The following SPTAN1 variants were observed in gnomAD, a reference collection of about 807,000 sequenced individuals.
SPTAN1 encodes the protein spectrin alpha, non-erythrocytic 1.
A neutral mutation model predicts 331.3 loss-of-function variants in SPTAN1; 61 were observed. The observed-to-expected ratio is 0.18, with a 90% CI of 0.15 to 0.23. The LOEUF (loss-of-function observed/expected upper bound fraction) is 0.23. Ranked by LOEUF, SPTAN1 falls within the 10% of genes least tolerant of loss-of-function variation. SPTAN1 has a pLI of 1.00. For missense variants in SPTAN1, 2,043 were observed against 3,147.9 expected (o/e 0.65, Z 8.40); for synonymous variants, 1,153 against 1,173.9 (o/e 0.98, Z 0.36).
chr9:128,618,259 T>G, intron 43 of SPTAN1, 151 bp downstream of exon 43: 1 of 1,150,940 alleles, frequency 8.7e-7, no homozygotes, highest in Non-Finnish European at 1.3e-6. Flanking sequence ...CAGAGCCACC[T>G]CCTACAGGCC....
At chr9:128,558,843 C>T (rs964126031) in intron 1 of SPTAN1, among the ~76,000 whole-genome samples, 3 of 152,140 alleles carry the variant, frequency 2.0e-5, no homozygotes, top group African/African-American at 7.2e-5. Flanking sequence ...GAGGCTGTAG[C>T]ACCTTTGGAT....
chr9:128,552,823 C>A lies in SPTAN1; in HGVS notation c.-4+127C>A. On this transcript the variant is annotated intron_variant, in intron 1 of 56. Coordinates refer to ENST00000372739, the MANE Select transcript of SPTAN1 (RefSeq NM_001130438.3). This position sits in a 1 kb window ranked among gnomAD's most constrained non-coding sequence, Gnocchi z 4.6. ...GCGGACAGGTGAGCCGGGCGGGCCG[C>A]GGGGCTGCCTCCATTCGGCTGAGTG... 6.6e-6 allele frequency: 1 copy of A among 152,286 alleles called. No homozygotes were observed. Among genetic ancestry groups the A allele is most frequent in the East Asian group, 1.9e-4 (1 of 5,172 alleles). 9.4% of individuals were successfully genotyped at this position (152,286 alleles called of 1,614,324 possible). A position where few individuals can be genotyped will look rare whatever the true frequency, so the allele number is the denominator to read the frequency against.
intron 1 of SPTAN1, among the ~76,000 whole-genome samples, chr9:128,557,711 A>G (rs79811889): frequency 0.015 from 2,321 of 150,376 alleles, 70 homozygotes; most frequent in African/African-American, 0.054. Context: ...GTAGGAATCC[A>G]TTTTCAGTTG....
chr9:128,568,698 C>T (rs1184975549), intron 2 of SPTAN1, 74 bp from the exon 3 acceptor site: 2 of 1,600,810 alleles, frequency 1.2e-6, no homozygotes, highest in Admixed American at 3.4e-5. Flanking sequence ...AGGGGAGGAA[C>T]ACGGGGAACA....
chr9:128,562,990 G>GTATA (rs1379685400), intron 1 of SPTAN1, among the ~76,000 whole-genome samples: 74 of 1,762 alleles, frequency 0.042, 1 homozygote, highest in African/African-American at 0.055. Flanking sequence ...ATACATGTAT[G>GTATA]TGTATATATA....
chr9:128,619,131 C>A, intron 44 of SPTAN1, 128 bp downstream of exon 44: 2 of 1,390,930 alleles, frequency 1.4e-6, no homozygotes, highest in Non-Finnish European at 9.9e-7. Flanking sequence ...GCAGCCAAGG[C>A]CTCAGTAGTT....
chr9:128,573,625 T>G (rs1441622487), intron 3 of SPTAN1, among the ~76,000 whole-genome samples: 1 of 151,514 alleles, frequency 6.6e-6, no homozygotes, highest in African/African-American at 2.4e-5. Flanking sequence ...CCCGGCTAAT[T>G]TATGTATTTT....
chr9:128,623,510 C>T (rs536429546), intron 45 of SPTAN1, among the ~76,000 whole-genome samples: 1 of 149,792 alleles, frequency 6.7e-6, no homozygotes. Context: ...GGCTGGGGTG[C>T]AGTGGCATGA....
Position 128,632,915 on chromosome 9 carries a change from C to A in SPTAN1, c.7268C>A (p.Ser2423Ter), listed in dbSNP as rs1406536411. 19 of 1,613,572 alleles carry A rather than the reference C, an allele frequency of 1.2e-5. No individual in the cohort carries two copies. The highest frequency in any genetic ancestry group is 1.4e-5 in the Non-Finnish European group (17 of 1,180,030). The part of the protein sequence containing the change: ...EIESAFRALS[S>*]EGKPYVTKEE... The stretch of plus-strand genomic sequence containing the variant: ...GAGAGCGCCTTCCGGGCCCTCAGCT[C>A]AGAGGGAAAGCCTTACGTGACCAAG... The change falls in exon 56 of 57, where the codon TCA becomes TAA. Residue 2423 changes from serine (S) to a stop codon, truncating the protein, a stop_gained. Transcript: ENST00000372739. LOFTEE classifies it high-confidence loss of function.
chr9:128,562,625 T>G (rs1849507556), intron 1 of SPTAN1, among the ~76,000 whole-genome samples: 1 of 152,124 alleles, frequency 6.6e-6, no homozygotes, highest in African/African-American at 2.4e-5. Context: ...CTTGTCAGGG[T>G]CCTCATCAGA....
chr9:128,633,114 G>A, intron 56 of SPTAN1, 95 bp from the exon 57 acceptor site: 3 of 1,601,238 alleles, frequency 1.9e-6, no homozygotes, highest in South Asian at 2.2e-5. Context: ...GCTTGTAGAA[G>A]CAGCTCCGAG....
At chr9:128,574,557 T>A in intron 3 of SPTAN1, 118 bp from the exon 4 acceptor site, 1 of 1,205,992 alleles carries the variant, frequency 8.3e-7, no homozygotes. Flanking sequence ...GGATTATCTT[T>A]TAAAAATATT....
At position 128,623,843 on chromosome 9, in the gene SPTAN1, T is replaced by A. The variant is rs10122634; in HGVS notation, c.5833-485T>A. Among the ~76,000 whole-genome samples the A allele has an allele frequency of 4.0e-3, 611 of 151,808 alleles. 5 individuals carry two copies. Among genetic ancestry groups the A allele is most frequent in the African/African-American group, 0.014 (585 of 41,434 alleles). On this transcript the variant is annotated intron_variant, in intron 45 of 56. Transcript: ENST00000372739. Reference sequence around the variant, plus strand: ...GCTCACACCTGTAATCCCAGCACTTTGGGAAGCCGAGGTGGGCAAATCACC... The same window carrying A: ...GCTCACACCTGTAATCCCAGCACTTAGGGAAGCCGAGGTGGGCAAATCACC...
chr9:128,555,498 AG>A (rs1848531993), intron 1 of SPTAN1: 4 of 1,009,560 alleles, frequency 4.0e-6, no homozygotes, highest in East Asian at 6.3e-5. Flanking sequence ...ATCCAAAGAA[AG>A]GGGGAAAAAA....
chr9:128,584,452 G>A lies in SPTAN1; in HGVS notation c.2364G>A (p.Gln788=). The part of the protein sequence containing the change: ...QKLADSLRLQ[Q]LFRDVEDEET... Reference sequence around the variant, plus strand: ...TGGCCGATTCTCTGCGGTTGCAGCAGCTCTTCCGGGATGTTGAGGATGAGG... The same window carrying A: ...TGGCCGATTCTCTGCGGTTGCAGCAACTCTTCCGGGATGTTGAGGATGAGG... Residue 788 remains glutamine (Q), a synonymous_variant, in exon 17 of 57, where the codon CAG becomes CAA. Transcript: ENST00000372739. 1.2e-6 allele frequency: 2 copies of A among 1,614,102 alleles called. No homozygotes were observed. The highest frequency in any genetic ancestry group is 1.7e-6 in the Non-Finnish European group (2 of 1,179,976).
At chr9:128,630,428 C>A (rs1036198070) in intron 52 of SPTAN1, 53 bp downstream of exon 52, 4 of 1,576,062 alleles carry the variant, frequency 2.5e-6, no homozygotes, top group African/African-American at 1.3e-5. Flanking sequence ...CAGCCACCCC[C>A]CAGGGTACCC....
rs1461587548 is a variant in SPTAN1 at position 128,585,839 on chromosome 9, G to A, written c.2652G>A (p.Gln884=). 1 of 1,614,210 alleles carries A rather than the reference G, an allele frequency of 6.2e-7. No homozygotes were observed. Among genetic ancestry groups the A allele is most frequent in the Non-Finnish European group, 8.5e-7 (1 of 1,180,044 alleles). Residue 884 remains glutamine, a synonymous_variant, in exon 19 of 57, where the codon CAG becomes CAA. Transcript: ENST00000372739. ...AAGCCAAAGCTTCCCAGCGTCGGCAGGACCTGGAGGACTCTCTGCAGGCCC... is the reference window on the plus strand; with the variant it reads ...AAGCCAAAGCTTCCCAGCGTCGGCAAGACCTGGAGGACTCTCTGCAGGCCC... ...ALKAKASQRR[Q]DLEDSLQAQQ...
Position 128,562,570 on chromosome 9 carries a change from G to A in SPTAN1, c.-3-4168G>A, listed in dbSNP as rs192376464. 4.8e-3 allele frequency among the ~76,000 whole-genome samples: 728 copies of A among 152,292 alleles called. 2 individuals carry two copies. The highest frequency in any genetic ancestry group is 7.9e-3 in the Non-Finnish European group (539 of 68,028). ...TGGAGGAGACAACTGGAAGGTGACT[G>A]AGTGAAGTCTTGTTTACCTTGTAGT... On this transcript the variant is annotated intron_variant, in intron 1 of 56. Transcript: ENST00000372739.
intron 1 of SPTAN1, among the ~76,000 whole-genome samples, chr9:128,556,607 A>G (rs140439572): frequency 6.6e-6 from 1 of 152,344 alleles, no homozygotes; most frequent in East Asian, 1.9e-4. Context: ...CTGGATTTTG[A>G]TGCAATGCAG....
Sources: allele counts gnomAD v4.1 joint callset (sites outside exome capture counted in the v4.1 genomes callset), GRCh38; gene constraint gnomAD v4.1.1; non-coding constraint Gnocchi (gnomAD v3.1); transcripts MANE v1.5; gene names NCBI Gene and HGNC (gene_info 2026-07-23, HGNC 2026-07-21).